The following GREM2 variants were observed in gnomAD, a reference collection of about 807,000 sequenced individuals.
GREM2 encodes gremlin-2.
A neutral mutation model predicts 14.2 loss-of-function variants in GREM2; 11 were observed. That is an observed-to-expected ratio of 0.78 (90% confidence interval 0.49 to 1.28). The LOEUF is 1.28. GREM2 is among the 50% of genes most tolerant of loss of function. The pLI is 0.00. For synonymous variants in GREM2, 98 were observed against 97.6 expected (o/e 1.00, Z -0.02); for missense variants, 210 against 218.5 (o/e 0.96, Z 0.24).
intron 1 of GREM2, among the ~76,000 whole-genome samples, chr1:240,508,785 C>G (rs1462208448): frequency 1.3e-5 from 2 of 152,206 alleles, no homozygotes; most frequent in East Asian, 1.9e-4. Context: ...GAACACAACA[C>G]ACCTGGGAAT....
At chr1:240,500,115 A>G (rs1677533740) in intron 1 of GREM2, among the ~76,000 whole-genome samples, 1 of 152,186 alleles carries the variant, frequency 6.6e-6, no homozygotes, top group Admixed American at 6.5e-5. Flanking sequence ...CAATACTGAC[A>G]TTTCCCATTT....
At chr1:240,548,991 A>G (rs902026517) in intron 1 of GREM2, among the ~76,000 whole-genome samples, 2 of 152,186 alleles carry the variant, frequency 1.3e-5, no homozygotes, top group African/African-American at 2.4e-5. Flanking sequence ...ATTGGTAACC[A>G]CTGAAAACAG....
intron 1 of GREM2, among the ~76,000 whole-genome samples, chr1:240,583,083 G>A (rs1485916479): frequency 6.6e-6 from 1 of 151,938 alleles, no homozygotes; most frequent in Non-Finnish European, 1.5e-5. Context: ...GTTTTGCCTG[G>A]GTGAGTCCTA....
At chr1:240,585,089 C>G (rs376727703) in intron 1 of GREM2, among the ~76,000 whole-genome samples, 1 of 152,152 alleles carries the variant, frequency 6.6e-6, no homozygotes, top group African/African-American at 2.4e-5. Flanking sequence ...ATTCAGGCTC[C>G]TTATCAACTG....
intron 1 of GREM2, among the ~76,000 whole-genome samples, chr1:240,508,094 ATAAT>A (rs1421741411): frequency 6.6e-6 from 1 of 152,272 alleles, no homozygotes; most frequent in South Asian, 2.1e-4. Context: ...TGTTTCTCAA[ATAAT>A]TAACCTTCTC....
intron 1 of GREM2, among the ~76,000 whole-genome samples, chr1:240,579,906 G>A (rs1489480899): frequency 6.6e-6 from 1 of 152,190 alleles, no homozygotes; most frequent in African/African-American, 2.4e-5. Flanking sequence ...TTATGATTCT[G>A]TTTCTACCTT....
chr1:240,572,722 A>T (rs1679282998), intron 1 of GREM2, among the ~76,000 whole-genome samples: 1 of 152,168 alleles, frequency 6.6e-6, no homozygotes, highest in African/African-American at 2.4e-5. Context: ...CCAGTTCAAA[A>T]ATTGTGATGG....
chr1:240,595,605 C>T (rs1679805653), intron 1 of GREM2, among the ~76,000 whole-genome samples: 1 of 152,076 alleles, frequency 6.6e-6, no homozygotes, highest in Non-Finnish European at 1.5e-5. Context: ...ACTGGGAAGG[C>T]AATTCAGGAA....
intron 1 of GREM2, chr1:240,589,000 G>A (rs988284732): frequency 1.3e-5 from 2 of 152,138 alleles, no homozygotes; most frequent in Non-Finnish European, 2.9e-5. Flanking sequence ...GCAAGCACCT[G>A]TGGTTCCAGC....
chr1:240,514,198 G>C (rs1469914940), intron 1 of GREM2, among the ~76,000 whole-genome samples: 2 of 136,830 alleles, frequency 1.5e-5, no homozygotes, highest in African/African-American at 2.7e-5. Flanking sequence ...AGTGAGCTGA[G>C]ATTGCGTCAT....
intron 1 of GREM2, among the ~76,000 whole-genome samples, chr1:240,611,410 T>C (rs1252566932): frequency 6.6e-6 from 1 of 152,112 alleles, no homozygotes; most frequent in African/African-American, 2.4e-5. Flanking sequence ...ACCTTGGCCA[T>C]ATGCTTTAAA....
At chr1:240,604,755 C>T (rs867010417) in intron 1 of GREM2, among the ~76,000 whole-genome samples, 2 of 152,152 alleles carry the variant, frequency 1.3e-5, no homozygotes. Context: ...CCCCCGAGTT[C>T]GGGACCAGCT....
intron 1 of GREM2, among the ~76,000 whole-genome samples, chr1:240,594,714 A>C (rs978940813): frequency 6.6e-6 from 1 of 151,808 alleles, no homozygotes; most frequent in Admixed American, 6.6e-5. Flanking sequence ...TTATACATGA[A>C]TATTTATATA....
intron 1 of GREM2, among the ~76,000 whole-genome samples, chr1:240,593,398 G>A (rs932946644): frequency 4.6e-5 from 7 of 151,702 alleles, no homozygotes; most frequent in Non-Finnish European, 1.0e-4. Flanking sequence ...CACACACTGA[G>A]TCCTGAATTC....
chr1:240,601,796 A>C (rs1679930525), intron 1 of GREM2, among the ~76,000 whole-genome samples: 1 of 151,222 alleles, frequency 6.6e-6, no homozygotes, highest in Non-Finnish European at 1.5e-5. Context: ...AATCCCAGCT[A>C]CTCTGGAGGC....
At chr1:240,568,121 TA>T (rs1187431172) in intron 1 of GREM2, among the ~76,000 whole-genome samples, 1 of 151,842 alleles carries the variant, frequency 6.6e-6, no homozygotes, top group Admixed American at 6.6e-5. Context: ...AAAATAAAAA[TA>T]AAAATAACGT....
chr1:240,547,514 AATAT>A lies in GREM2; in HGVS notation c.-1-54042_-1-54039del, dbSNP rs71170756. 8.4e-3 allele frequency among the ~76,000 whole-genome samples: 862 copies of A among 102,612 alleles called. 15 individuals carry two copies. Among genetic ancestry groups the A allele is most frequent in the East Asian group, 0.025 (96 of 3,776 alleles). 67.3% of individuals were successfully genotyped at this position (102,612 alleles called of 152,430 possible). On this transcript the variant is annotated intron_variant, in intron 1 of 1. Coordinates refer to ENST00000318160, the MANE Select transcript of GREM2 (RefSeq NM_022469.4). ...GACTCCATCTCAAAAAAAAAAAAAA[AATAT>A]ATATATATATATATATAGATAGATA...
At chr1:240,518,877 T>C (rs976851603) in intron 1 of GREM2, among the ~76,000 whole-genome samples, 3 of 152,216 alleles carry the variant, frequency 2.0e-5, no homozygotes, top group African/African-American at 7.2e-5. Context: ...TGACAGCATG[T>C]TTATGTTGCT....
rs144609664 is a variant in GREM2, at chr1:240,526,187, G to A, written c.-1-32711C>T. On this transcript the variant is annotated intron_variant, in intron 1 of 1. Transcript: ENST00000318160. ...ATTTACAGGTTCCAGGGATTAGGAC[G>A]TGGGCATCTTTGGAGGGGGGCATTG... Among the ~76,000 whole-genome samples, 1,251 of 152,228 alleles carry A rather than the reference G, an allele frequency of 8.2e-3. 2 individuals are homozygous for A. The highest frequency in any genetic ancestry group is 0.013 in the Non-Finnish European group (877 of 68,020).
Sources: gnomAD v4.1 joint callset for allele counts (sites outside exome capture counted in the v4.1 genomes callset) on GRCh38, gnomAD v4.1.1 for gene constraint, MANE v1.5 for transcripts, NCBI Gene and HGNC (gene_info 2026-07-23, HGNC 2026-07-21) for gene names.